OTOA: variants seen among roughly 807,000 people sequenced by gnomAD.
OTOA encodes the protein cancer/testis antigen 108.
A neutral mutation model predicts 110.8 loss-of-function variants in OTOA; 70 were observed. The ratio of observed to expected loss-of-function variants is 0.63; its 90% confidence interval spans 0.52 to 0.77. OTOA has a LOEUF of 0.77. OTOA is among the 30% of genes least tolerant of loss of function. The pLI is 0.00. For synonymous variants in OTOA, 373 were observed against 431.5 expected, an observed-to-expected ratio of 0.86 and a Z score of 1.68; for missense variants, 917 against 1,075.8, an observed-to-expected ratio of 0.85 and a Z score of 2.06.
chr16:21,691,264 C>T (rs1046265576), intron 8 of OTOA, among the ~76,000 whole-genome samples: 121 of 152,084 alleles, frequency 8.0e-4, no homozygotes, highest in African/African-American at 2.9e-3. Context: ...TGAATAGTGC[C>T]ACAATAAACA....
chr16:21,701,016 C>T lies in OTOA; in HGVS notation c.969C>T (p.Ser323=), dbSNP rs1468334994. The T allele has an allele frequency of 1.2e-6, 2 of 1,614,178 alleles. No individual in the cohort carries two copies. The highest frequency in any genetic ancestry group is 1.7e-5 in the Admixed American group (1 of 60,016). The stretch of plus-strand genomic sequence containing the variant: ...CCAACTTTAACATGAGGAATACCTC[C>T]ACCATCCACAGGCAAGCGCATGAGC... ...SSSNFNMRNT[S]TIHRLGLLVC... is the part of the protein sequence containing the mutation. Residue 323 remains serine, a synonymous_variant, in exon 11 of 29, where the codon TCC becomes TCT. Coordinates refer to ENST00000646100, the MANE Select transcript of OTOA (RefSeq NM_144672.4).
At chr16:21,709,608 A>C (rs954845040) in intron 12 of OTOA, among the ~76,000 whole-genome samples, 1 of 152,152 alleles carries the variant, frequency 6.6e-6, no homozygotes, top group African/African-American at 2.4e-5. Flanking sequence ...TTTCTTTCTG[A>C]CATGGATTAA....
intron 27 of OTOA, among the ~76,000 whole-genome samples, chr16:21,756,527 A>T (rs1490311825): frequency 6.6e-6 from 1 of 152,022 alleles, no homozygotes; most frequent in African/African-American, 2.4e-5. Context: ...CTGATCTTTA[A>T]GGCCTGTGTT....
At chr16:21,676,949 T>A (rs1446313734) in intron 1 of OTOA, among the ~76,000 whole-genome samples, 1 of 152,206 alleles carries the variant, frequency 6.6e-6, no homozygotes, top group African/African-American at 2.4e-5. Flanking sequence ...AACCTTTGGA[T>A]GCACATATTT....
chr16:21,755,447 CGT>C (rs4016992), intron 27 of OTOA, among the ~76,000 whole-genome samples: 8,058 of 65,346 alleles, frequency 0.12, 124 homozygotes, highest in Middle Eastern at 0.21. Context: ...ACCACCCCAC[CGT>C]GTGTGTGTGT....
chr16:21,718,356 G>A (rs562570479), intron 15 of OTOA, among the ~76,000 whole-genome samples: 130 of 152,234 alleles, frequency 8.5e-4, no homozygotes, highest in Non-Finnish European at 1.4e-3. Flanking sequence ...CTGAGATGGG[G>A]AAGACCATGG....
At chr16:21,680,184 T>TATCCATCC (rs60446298) in intron 5 of OTOA, among the ~76,000 whole-genome samples, 8,629 of 150,132 alleles carry the variant, frequency 0.057, 289 homozygotes, top group South Asian at 0.074. Context: ...TTTATTAATT[T>TATCCATCC]ATCCATCCAT....
intron 11 of OTOA, among the ~76,000 whole-genome samples, chr16:21,704,776 G>A (rs746998310): frequency 6.6e-6 from 1 of 152,160 alleles, no homozygotes; most frequent in African/African-American, 2.4e-5. Flanking sequence ...GCTCAAATCT[G>A]TGTCTCTGAG....
intron 8 of OTOA, among the ~76,000 whole-genome samples, chr16:21,689,848 G>T (rs1394193807): frequency 6.6e-6 from 1 of 151,982 alleles, no homozygotes; most frequent in African/African-American, 2.4e-5. Context: ...ACCACGCCTG[G>T]CTACTTTTTG....
rs535944140 is a variant in OTOA, at chr16:21,691,294, A to G, written c.636-290A>G. On this transcript the variant is annotated intron_variant, in intron 8 of 28. Coordinates refer to ENST00000646100, the MANE Select transcript of OTOA (RefSeq NM_144672.4). ...TAAACATACGTGTGCATGTGTCTTT[A>G]TAGTAGCATGATTTATAATCCTTTG... is the stretch of plus-strand genomic sequence containing the variant. Among the ~76,000 whole-genome samples, 39 of 152,180 alleles carry G rather than the reference A, an allele frequency of 2.6e-4. 1 individual carries two copies. The highest frequency in any genetic ancestry group is 5.1e-4 in the Non-Finnish European group (35 of 67,996).
At chr16:21,749,181 TTCTC>T (rs1473285689) in intron 24 of OTOA, among the ~76,000 whole-genome samples, 1 of 134,146 alleles carries the variant, frequency 7.5e-6, no homozygotes, top group African/African-American at 2.5e-5. Flanking sequence ...CCTCAACACT[TTCTC>T]TCAACACCTT....
chr16:21,680,587 C>T (rs1286350946), intron 5 of OTOA, among the ~76,000 whole-genome samples: 1 of 151,744 alleles, frequency 6.6e-6, no homozygotes, highest in African/African-American at 2.4e-5. Context: ...GGCATGGTGG[C>T]TTATCCTGTA....
intron 13 of OTOA, 73 bp downstream of exon 13, chr16:21,710,176 T>C: frequency 7.2e-7 from 1 of 1,381,710 alleles, no homozygotes; most frequent in South Asian, 1.2e-5. Context: ...CAGGCTGCCA[T>C]AAAAATATAC....
chr16:21,716,295 G>A (rs1898550347), intron 14 of OTOA, among the ~76,000 whole-genome samples: 1 of 152,166 alleles, frequency 6.6e-6, no homozygotes, highest in Non-Finnish European at 1.5e-5. Context: ...AACTTGGCCA[G>A]GTGAGGTGGC....
At chr16:21,702,604 A>G (rs1019870209) in intron 11 of OTOA, among the ~76,000 whole-genome samples, 2 of 152,190 alleles carry the variant, frequency 1.3e-5, no homozygotes, top group Admixed American at 1.3e-4. Flanking sequence ...AAATATGCCT[A>G]CTGCATTAAG....
intron 9 of OTOA, among the ~76,000 whole-genome samples, chr16:21,693,447 CA>C (rs769145659): frequency 1.3e-5 from 2 of 152,182 alleles, no homozygotes; most frequent in Non-Finnish European, 2.9e-5. Context: ...GAGAAGGAAA[CA>C]AAACAAAGTC....
intron 21 of OTOA, among the ~76,000 whole-genome samples, chr16:21,734,874 C>T (rs542228481): frequency 6.6e-6 from 1 of 152,026 alleles, no homozygotes; most frequent in East Asian, 1.9e-4. Flanking sequence ...CACAGTGGCT[C>T]ACATCTGTAA....
At chr16:21,705,402 G>A (rs905174565) in intron 12 of OTOA, 110 bp downstream of exon 12, 26 of 1,547,986 alleles carry the variant, frequency 1.7e-5, no homozygotes, top group South Asian at 5.6e-5. Flanking sequence ...GCATTAGTCG[G>A]GATTTAAGTC....
chr16:21,739,266 ACC>A (rs1751530127), intron 22 of OTOA, among the ~76,000 whole-genome samples: 1 of 151,950 alleles, frequency 6.6e-6, no homozygotes, highest in African/African-American at 2.4e-5. Context: ...CAGTGATAAG[ACC>A]AAGTTCCTGA....
Sources: gnomAD v4.1 joint callset for allele counts (sites outside exome capture counted in the v4.1 genomes callset) on GRCh38, gnomAD v4.1.1 for gene constraint, MANE v1.5 for transcripts, NCBI Gene and HGNC (gene_info 2026-07-23, HGNC 2026-07-21) for gene names.